TCERG1L: variants seen among roughly 807,000 people sequenced by gnomAD.
TCERG1L encodes transcription elongation regulator 1 like, also known as transcription elongation regulator 1-like protein.
Under a neutral mutation model 56.3 loss-of-function variants are expected in TCERG1L, and 37 were observed. That is an observed-to-expected ratio of 0.66 (90% CI 0.51 to 0.87). The LOEUF (loss-of-function observed/expected upper bound fraction) is 0.87, where lower values mean the gene tolerates loss of function less well. TCERG1L is among the 40% of genes least tolerant of loss of function. The pLI, the probability that TCERG1L is intolerant of heterozygous loss-of-function variation, is 0.00. For synonymous variants in TCERG1L, 324 were observed against 326.3 expected (o/e 0.99, Z 0.08); for missense variants, 799 against 774.2 (o/e 1.03, Z -0.38).
intron 7 of TCERG1L, 52 bp downstream of exon 7, chr10:131,146,454 T>C: frequency 2.1e-6 from 3 of 1,460,548 alleles, no homozygotes; most frequent in Non-Finnish European, 2.7e-6. Context: ...TCATTAGAAA[T>C]AAGCAGCTTA....
At chr10:131,293,982 C>G (rs1278693185) in intron 3 of TCERG1L, among the ~76,000 whole-genome samples, 1 of 152,064 alleles carries the variant, frequency 6.6e-6, no homozygotes, top group African/African-American at 2.4e-5. Flanking sequence ...TAGGTAAGGC[C>G]CAGGCAATTG....
chr10:131,269,806 C>T (rs934526409), intron 3 of TCERG1L, among the ~76,000 whole-genome samples: 9 of 152,178 alleles, frequency 5.9e-5, no homozygotes, highest in Middle Eastern at 3.2e-3. Context: ...GACTTGTTCC[C>T]ACCTGGGGTT....
At chr10:131,212,221 A>G (rs4750857) in intron 4 of TCERG1L, among the ~76,000 whole-genome samples, 91,361 of 152,044 alleles carry the variant, frequency 0.6, 27,749 homozygotes, top group East Asian at 0.71. Flanking sequence ...ACTCAGACCC[A>G]GGGCAAGACA....
At chr10:131,096,636 C>T (rs1845249876) in intron 11 of TCERG1L, among the ~76,000 whole-genome samples, 1 of 152,198 alleles carries the variant, frequency 6.6e-6, no homozygotes, top group Non-Finnish European at 1.5e-5. Flanking sequence ...CGCGGTGGCT[C>T]ATGCCTGTAA....
At chr10:131,288,420 C>T (rs111412011) in intron 3 of TCERG1L, among the ~76,000 whole-genome samples, 5,706 of 152,184 alleles carry the variant, frequency 0.037, 136 homozygotes, top group African/African-American at 0.057. Context: ...ATTATGGTCA[C>T]GTGGATGCAG....
chr10:131,149,294 G>T (rs898094699), intron 6 of TCERG1L, among the ~76,000 whole-genome samples: 2 of 104,000 alleles, frequency 1.9e-5, no homozygotes. Context: ...AAATGAGGCT[G>T]GCCAACTACA....
chr10:131,104,532 T>C (rs1049750802), intron 9 of TCERG1L, among the ~76,000 whole-genome samples, 178 bp from the exon 10 acceptor site: 14 of 152,202 alleles, frequency 9.2e-5, no homozygotes, highest in African/African-American at 3.4e-4. Context: ...AGAAAACCAA[T>C]ACTAGAACAT....
intron 8 of TCERG1L, 65 bp from the exon 9 acceptor site, chr10:131,116,999 C>A (rs1435268542): frequency 6.5e-7 from 1 of 1,531,138 alleles, no homozygotes. Context: ...TTATTGCAAC[C>A]TTTACAAACC....
intron 3 of TCERG1L, among the ~76,000 whole-genome samples, chr10:131,299,880 C>G (rs910223866): frequency 6.6e-6 from 1 of 152,076 alleles, no homozygotes; most frequent in Non-Finnish European, 1.5e-5. Context: ...TATAATTTTA[C>G]ACATTATATA....
chr10:131,103,350 G>A lies in TCERG1L; in HGVS notation c.1485+915C>T, dbSNP rs1189025138. Among the ~76,000 whole-genome samples, 1 of 152,230 alleles carries A rather than the reference G, an allele frequency of 6.6e-6. No individual in the cohort carries two copies. On this transcript the variant is annotated intron_variant, in intron 10 of 11. Transcript: ENST00000368642. The surrounding 1 kb of genome is among the most constrained non-coding windows in gnomAD (Gnocchi z 4.3). ...GACGAAGCCAGTCTGAGGAGGGACAGGCAGTTGTTGGGCAGGTGTCCTTGC... is the reference window on the plus strand; with the variant it reads ...GACGAAGCCAGTCTGAGGAGGGACAAGCAGTTGTTGGGCAGGTGTCCTTGC...
chr10:131,148,291 G>A (rs2133416237), intron 6 of TCERG1L, among the ~76,000 whole-genome samples: 1 of 152,200 alleles, frequency 6.6e-6, no homozygotes, highest in Middle Eastern at 3.4e-3. Flanking sequence ...AGGCAGAGGT[G>A]TTTCACACAA....
At chr10:131,304,333 CA>C (rs1400942848) in intron 3 of TCERG1L, among the ~76,000 whole-genome samples, 1 of 152,010 alleles carries the variant, frequency 6.6e-6, no homozygotes, top group Non-Finnish European at 1.5e-5. Context: ...CTCTTATTTT[CA>C]GAAGTAGAAA....
At chr10:131,185,517 C>T (rs1845227143) in intron 4 of TCERG1L, among the ~76,000 whole-genome samples, 1 of 152,052 alleles carries the variant, frequency 6.6e-6, no homozygotes, top group South Asian at 2.1e-4. Context: ...CCAGAATATG[C>T]AAAGAATTCT....
intron 3 of TCERG1L, among the ~76,000 whole-genome samples, chr10:131,297,508 T>C (rs1418364442): frequency 6.6e-6 from 1 of 152,226 alleles, no homozygotes; most frequent in Non-Finnish European, 1.5e-5. Flanking sequence ...TGCATGTATG[T>C]TCAAAAATTG....
At chr10:131,290,398 G>A (rs980832381) in intron 3 of TCERG1L, among the ~76,000 whole-genome samples, 3 of 152,166 alleles carry the variant, frequency 2.0e-5, no homozygotes, top group South Asian at 2.1e-4. Context: ...TTAGGAGGCT[G>A]AGGCGGGCAG....
At chr10:131,143,631 G>A (rs992095200) in intron 7 of TCERG1L, among the ~76,000 whole-genome samples, 2 of 152,132 alleles carry the variant, frequency 1.3e-5, no homozygotes, top group Admixed American at 6.5e-5. Context: ...TGCTGCAGGC[G>A]AAGACAGCGA....
intron 4 of TCERG1L, among the ~76,000 whole-genome samples, chr10:131,224,380 CTT>C (rs142433446): frequency 0.028 from 4,296 of 152,258 alleles, 80 homozygotes; most frequent in Middle Eastern, 0.041. Context: ...ACTCTGGCCT[CTT>C]GAGTCCCCTG....
At chr10:131,280,659 G>A (rs1846441379) in intron 3 of TCERG1L, among the ~76,000 whole-genome samples, 1 of 152,012 alleles carries the variant, frequency 6.6e-6, no homozygotes, top group Non-Finnish European at 1.5e-5. Flanking sequence ...TTCCTTTCAC[G>A]TTTCAATATG....
chr10:131,268,077 C>T (rs1225107829), intron 3 of TCERG1L, among the ~76,000 whole-genome samples: 1 of 152,112 alleles, frequency 6.6e-6, no homozygotes, highest in Non-Finnish European at 1.5e-5. Context: ...GATTCCCAGT[C>T]CCCTAAGACC....
Sources: gnomAD v4.1 joint callset for allele counts (sites outside exome capture counted in the v4.1 genomes callset) on GRCh38, gnomAD v4.1.1 for gene constraint, Gnocchi (gnomAD v3.1) non-coding constraint, MANE v1.5 for transcripts, NCBI Gene and HGNC (gene_info 2026-07-23, HGNC 2026-07-21) for gene names.